Variants in LOC122539214 observed in about 807,000 individuals in gnomAD.
chr19:52,688,818 A>G, the LOC122539214 span, among the ~76,000 whole-genome samples: 1 of 152,184 alleles, frequency 6.6e-6, no homozygotes, highest in Admixed American at 6.6e-5. Context: ...GTTTAAAAAT[A>G]AAAAGAAAAG....
At chr19:52,680,757 C>A in the LOC122539214 span, among the ~76,000 whole-genome samples, 1 of 143,116 alleles carries the variant, frequency 7.0e-6, no homozygotes, top group African/African-American at 2.8e-5. Flanking sequence ...GGACTACAGG[C>A]GCCCGCCACT....
chr19:52,665,040 A>G, the LOC122539214 span, among the ~76,000 whole-genome samples: 1 of 152,230 alleles, frequency 6.6e-6, no homozygotes, highest in South Asian at 2.1e-4. Flanking sequence ...AATGCAAACT[A>G]GAATGCGAAA....
the LOC122539214 span, among the ~76,000 whole-genome samples, chr19:52,665,888 C>T: frequency 4.7e-4 from 72 of 152,070 alleles, 1 homozygote; most frequent in South Asian, 7.3e-3. Flanking sequence ...TGGCCATGTG[C>T]GGTGGCTCAC....
the LOC122539214 span, chr19:52,653,326 C>T: frequency 7.8e-7 from 1 of 1,284,324 alleles, no homozygotes; most frequent in Non-Finnish European, 1.1e-6. Flanking sequence ...AGGTTTCTCT[C>T]CAGTATGAAC....
At chr19:52,687,519 ATT>A in the LOC122539214 span, among the ~76,000 whole-genome samples, 1 of 59,128 alleles carries the variant, frequency 1.7e-5, no homozygotes, top group Non-Finnish European at 3.3e-5. Flanking sequence ...TTATATATAA[ATT>A]TTATATATAA....
the LOC122539214 span, chr19:52,654,434 A>G: frequency 5.8e-6 from 5 of 856,474 alleles, no homozygotes; most frequent in Admixed American, 1.1e-4. Flanking sequence ...TAGGTTTCCA[A>G]TTAAGTACAG....
chr19:52,686,017 T>C, the LOC122539214 span, among the ~76,000 whole-genome samples: 10 of 151,804 alleles, frequency 6.6e-5, no homozygotes, highest in East Asian at 1.9e-3. Flanking sequence ...GAGGGAAACA[T>C]GAACTTAATA....
chr19:52,684,696 A>C, the LOC122539214 span, among the ~76,000 whole-genome samples: 2 of 152,206 alleles, frequency 1.3e-5, no homozygotes, highest in Non-Finnish European at 2.9e-5. Flanking sequence ...CTCTGAGCCT[A>C]GAACTGAAGG....
the LOC122539214 span, among the ~76,000 whole-genome samples, chr19:52,683,140 C>CAA: frequency 3.3e-5 from 5 of 152,162 alleles, no homozygotes; most frequent in South Asian, 6.2e-4. Context: ...AAAGTGCTGG[C>CAA]ATTACAGGGG....
the LOC122539214 span, among the ~76,000 whole-genome samples, chr19:52,689,990 C>T: frequency 2.0e-5 from 3 of 152,056 alleles, no homozygotes; most frequent in South Asian, 2.1e-4. Flanking sequence ...GGCGACGGCG[C>T]CTGAGGACAA....
chr19:52,656,763 G>A, the LOC122539214 span, among the ~76,000 whole-genome samples: 5 of 151,560 alleles, frequency 3.3e-5, no homozygotes, highest in Non-Finnish European at 5.9e-5. Context: ...CTACTCAGGA[G>A]GCTGAGGCAG....
At chr19:52,677,467 C>T in the LOC122539214 span, among the ~76,000 whole-genome samples, 1 of 151,794 alleles carries the variant, frequency 6.6e-6, no homozygotes, top group Admixed American at 6.6e-5. Context: ...GCATGGGTGA[C>T]AGAGTGAGAC....
the LOC122539214 span, chr19:52,653,954 G>A: frequency 8.1e-7 from 1 of 1,238,886 alleles, no homozygotes; most frequent in Non-Finnish European, 1.2e-6. Flanking sequence ...AATGAAGAAT[G>A]GAGAAAGTTC....
At chr19:52,657,577 G>A in the LOC122539214 span, among the ~76,000 whole-genome samples, 1 of 152,224 alleles carries the variant, frequency 6.6e-6, no homozygotes, top group African/African-American at 2.4e-5. Context: ...GCCAGGCACA[G>A]TAGCTCATGC....
At chr19:52,677,476 ACT>A in the LOC122539214 span, among the ~76,000 whole-genome samples, 1 of 151,566 alleles carries the variant, frequency 6.6e-6, no homozygotes, top group African/African-American at 2.4e-5. Context: ...ACAGAGTGAG[ACT>A]CTGTCTCAAA....
chr19:52,650,632 TTATTAGAAGA>T, the LOC122539214 span: 5 of 152,140 alleles, frequency 3.3e-5, no homozygotes, highest in Admixed American at 3.3e-4. Context: ...TATAAATTGT[TTATTAGAAGA>T]ACTTCAAGTT....
At chr19:52,669,416 G>C in the LOC122539214 span, among the ~76,000 whole-genome samples, 1 of 152,186 alleles carries the variant, frequency 6.6e-6, no homozygotes, top group Admixed American at 6.5e-5. Flanking sequence ...ACAACCAACA[G>C]CTATCTATTA....
the LOC122539214 span, among the ~76,000 whole-genome samples, chr19:52,653,824 T>G: frequency 6.6e-6 from 1 of 152,230 alleles, no homozygotes; most frequent in Non-Finnish European, 1.5e-5. Flanking sequence ...TTTATATTGT[T>G]TCTCTCCTGA....
chr19:52,678,712 GC>G, the LOC122539214 span, among the ~76,000 whole-genome samples: 6 of 152,164 alleles, frequency 3.9e-5, no homozygotes, highest in African/African-American at 1.2e-4. Flanking sequence ...CATGGCTCAT[GC>G]CTGTAATCCC....
Sources: allele counts gnomAD v4.1 joint callset (sites outside exome capture counted in the v4.1 genomes callset), GRCh38; gene constraint gnomAD v4.1.1; transcripts MANE v1.5.